Variants in GLI3 observed in about 807,000 individuals in gnomAD.
The protein encoded by GLI3 is transcription activator GLI3.
Under a neutral mutation model 100.8 loss-of-function variants are expected in GLI3, and 20 were observed. That is an observed-to-expected ratio of 0.20 (90% CI 0.14 to 0.29). The LOEUF is 0.29. GLI3 is among the 10% of genes least tolerant of loss of function. The pLI is 1.00. For missense variants in GLI3, 2,040 were observed against 2,128.5 expected, an observed-to-expected ratio of 0.96 and a Z score of 0.82; for synonymous variants, 938 against 860.5, an observed-to-expected ratio of 1.09 and a Z score of -1.58.
chr7:42,114,682 C>A (rs770203161), intron 3 of GLI3, among the ~76,000 whole-genome samples: 1 of 151,872 alleles, frequency 6.6e-6, no homozygotes, highest in Admixed American at 6.6e-5. Context: ...GTGTGCAGGT[C>A]GGGGAGAGTT....
At chr7:42,034,465 T>G (rs1789380128) in intron 7 of GLI3, among the ~76,000 whole-genome samples, 1 of 152,172 alleles carries the variant, frequency 6.6e-6, no homozygotes, top group Non-Finnish European at 1.5e-5. Context: ...CCCCAGATCT[T>G]AGGCCCTTCC....
intron 3 of GLI3, among the ~76,000 whole-genome samples, chr7:42,141,537 T>C (rs1387511988): frequency 6.6e-6 from 1 of 151,862 alleles, no homozygotes; most frequent in East Asian, 1.9e-4. Context: ...CCAGGCGAGG[T>C]GGCACATGTC....
chr7:41,971,606 T>C (rs1406311937), intron 13 of GLI3, among the ~76,000 whole-genome samples: 3 of 152,168 alleles, frequency 2.0e-5, no homozygotes, highest in African/African-American at 7.2e-5. Flanking sequence ...CAGATCCCTC[T>C]CTCATGCTCT....
Position 42,048,762 on chromosome 7 carries a change from G to A in GLI3, c.474-66C>T, listed in dbSNP as rs7806570. 7,325 of 1,038,002 alleles carry A rather than the reference G, an allele frequency of 7.1e-3. 334 individuals carry two copies. In the African/African-American group the frequency reaches 0.1, roughly 15 times the overall value. The allele number at this position is 1,038,002 out of a possible 1,614,324, so 64.3% of individuals were successfully genotyped here. On this transcript the variant is annotated intron_variant, in intron 4 of 14. Coordinates refer to ENST00000395925, the MANE Select transcript of GLI3 (RefSeq NM_000168.6). ...ACAAATATCTCCACAGGCAGAGGCT[G>A]TCTCTGAAAGAAAATAAGTAAGATT...
intron 10 of GLI3, among the ~76,000 whole-genome samples, chr7:41,991,071 T>A (rs749825823): frequency 2.0e-5 from 3 of 152,196 alleles, no homozygotes; most frequent in Non-Finnish European, 4.4e-5. Flanking sequence ...ATTTATGATA[T>A]GACAGTTACT....
chr7:42,242,356 G>A (rs1207586200), upstream of GLI3, among the ~76,000 whole-genome samples: 1 of 152,070 alleles, frequency 6.6e-6, no homozygotes. Flanking sequence ...CCTCACTCCT[G>A]GAAACGTAGG....
chr7:42,232,927 C>T (rs547193418), intron 1 of GLI3, among the ~76,000 whole-genome samples: 1 of 152,232 alleles, frequency 6.6e-6, no homozygotes, highest in South Asian at 2.1e-4. Flanking sequence ...AAGACACTCA[C>T]AGAGGTAATG....
intron 10 of GLI3, among the ~76,000 whole-genome samples, chr7:42,010,246 T>G (rs1788574353): frequency 6.6e-6 from 1 of 152,198 alleles, no homozygotes; most frequent in African/African-American, 2.4e-5. Flanking sequence ...TGAGAGCTGT[T>G]TCCCTCTGGA....
At chr7:42,182,676 A>ACACACGTGTG (rs1267888534) in intron 2 of GLI3, among the ~76,000 whole-genome samples, 1 of 62,838 alleles carries the variant, frequency 1.6e-5, no homozygotes, top group African/African-American at 6.8e-5. Context: ...ATATATATAT[A>ACACACGTGTG]TATATACACA....
intron 2 of GLI3, among the ~76,000 whole-genome samples, chr7:42,203,407 T>A (rs1788085191): frequency 6.6e-6 from 1 of 152,138 alleles, no homozygotes; most frequent in Non-Finnish European, 1.5e-5. Flanking sequence ...AAGTGCCCCA[T>A]CCTCTGGTTA....
intron 3 of GLI3, among the ~76,000 whole-genome samples, chr7:42,090,347 C>T (rs1381367568): frequency 6.6e-6 from 1 of 152,126 alleles, no homozygotes; most frequent in Non-Finnish European, 1.5e-5. Flanking sequence ...GTTATGATAG[C>T]CACAATGTCA....
At chr7:42,026,829 G>A (rs1789131410) in intron 7 of GLI3, among the ~76,000 whole-genome samples, 2 of 152,172 alleles carry the variant, frequency 1.3e-5, no homozygotes, top group African/African-American at 4.8e-5. Context: ...TATGTCTCCA[G>A]ATCTTATTAC....
At position 41,966,591 on chromosome 7, in the gene GLI3, G is replaced by A; in HGVS notation, c.2482C>T (p.Pro828Ser). Residue 828 changes from proline (P) to serine (S), a missense_variant, in exon 15 of 15, where the codon CCG (proline) becomes TCG (serine). Physicochemically the swap from Pro to Ser is moderately conservative, Grantham distance 74. This residue lies in a region of GLI3 where 327 missense variants were observed against 338.7 expected (regional missense o/e 0.97). Coordinates refer to ENST00000395925, the MANE Select transcript of GLI3 (RefSeq NM_000168.6). This position sits in a 1 kb window ranked among gnomAD's most constrained non-coding sequence, Gnocchi z 5.8. ...CSLGGPMTLL[P>S]GRSDLSGVDV... ...ACCCCAGAGAGGTCGCTTCTGCCCG[G>A]GAGAAGCGTCATGGGCCCACCCAAG... 6.2e-7 allele frequency: 1 copy of A among 1,614,090 alleles called. No homozygotes were observed. Among genetic ancestry groups the A allele is most frequent in the Non-Finnish European group, 8.5e-7 (1 of 1,179,980 alleles).
At chr7:42,170,374 G>C (rs572418464) in intron 2 of GLI3, among the ~76,000 whole-genome samples, 3 of 141,404 alleles carry the variant, frequency 2.1e-5, no homozygotes, top group African/African-American at 7.7e-5. Flanking sequence ...AAATATTACA[G>C]TTCTTACAGA....
upstream of GLI3, among the ~76,000 whole-genome samples, chr7:42,238,134 GC>G (rs1322674894): frequency 6.7e-6 from 1 of 150,196 alleles, no homozygotes; most frequent in Non-Finnish European, 1.5e-5. Flanking sequence ...GCGCGCCGAA[GC>G]CCCACCCACC....
At chr7:42,055,097 A>G (rs1273506674) in intron 4 of GLI3, among the ~76,000 whole-genome samples, 2 of 143,966 alleles carry the variant, frequency 1.4e-5, no homozygotes, top group African/African-American at 5.3e-5. Context: ...ACATATATAC[A>G]CATATATGTA....
chr7:42,250,549 C>T (rs2128710276), intron 1 of GLI3, among the ~76,000 whole-genome samples: 1 of 152,286 alleles, frequency 6.6e-6, no homozygotes, highest in South Asian at 2.1e-4. Context: ...ACTCAGGGCC[C>T]AATCCAACTG....
chr7:42,055,128 CAT>C (rs773519691), intron 4 of GLI3, among the ~76,000 whole-genome samples: 70 of 148,638 alleles, frequency 4.7e-4, no homozygotes, highest in South Asian at 1.7e-3. Context: ...TATATATACA[CAT>C]ATATGTTTTT....
intron 2 of GLI3, among the ~76,000 whole-genome samples, chr7:42,218,248 A>ACTGC (rs1788415268): frequency 6.6e-6 from 1 of 152,122 alleles, no homozygotes; most frequent in Non-Finnish European, 1.5e-5. Flanking sequence ...TATGGCGTGA[A>ACTGC]CTGCCTGCCC....
Sources: allele counts gnomAD v4.1 joint callset (sites outside exome capture counted in the v4.1 genomes callset), GRCh38; gene constraint gnomAD v4.1.1; regional missense constraint gnomAD v4.1.1; non-coding constraint Gnocchi (gnomAD v3.1); transcripts MANE v1.5; gene names NCBI Gene and HGNC (gene_info 2026-07-23, HGNC 2026-07-21).